The following RASGEF1C variants were observed in gnomAD, a reference collection of about 807,000 sequenced individuals.
The protein encoded by RASGEF1C is RasGEF domain family member 1C, also known as ras-GEF domain-containing family member 1C.
In RASGEF1C, 27 loss-of-function variants were observed where a neutral mutation model predicts 58.1. The observed-to-expected ratio is 0.46, with a 90% CI of 0.34 to 0.64. RASGEF1C has a LOEUF of 0.64. Ranked by LOEUF, RASGEF1C falls within the 30% of genes least tolerant of loss-of-function variation. The probability of loss-of-function intolerance (pLI) is 0.01; values close to 1 mark genes in which losing one functional copy is unlikely to be tolerated. For missense variants in RASGEF1C, 502 were observed against 605.1 expected (o/e 0.83, Z 1.79); for synonymous variants, 243 against 246.3 (o/e 0.99, Z 0.13).
Position 180,197,658 on chromosome 5 carries a change from T to C in RASGEF1C, c.-7+11370A>G, listed in dbSNP as rs1286480848. Among the ~76,000 whole-genome samples the C allele has an allele frequency of 1.3e-5, 2 of 152,142 alleles. No homozygotes were observed. The highest frequency in any genetic ancestry group is 2.1e-4 in the South Asian group (1 of 4,824). The stretch of plus-strand genomic sequence containing the variant: ...GTGTCCCTGAGCCTCAGTTTCCCCA[T>C]CTGTAAATTGATGGCAGCTGCTGTG... On this transcript the variant is annotated intron_variant, in intron 1 of 13. Coordinates refer to ENST00000361132, the MANE Select transcript of RASGEF1C (RefSeq NM_175062.4). The surrounding 1 kb of genome is among the most constrained non-coding windows in gnomAD (Gnocchi z 4.7).
intron 4 of RASGEF1C, among the ~76,000 whole-genome samples, chr5:180,135,513 G>T (rs1295546269): frequency 6.6e-6 from 1 of 152,176 alleles, no homozygotes; most frequent in Non-Finnish European, 1.5e-5. Flanking sequence ...CTACACCAGT[G>T]CTGCCCACAG....
intron 1 of RASGEF1C, among the ~76,000 whole-genome samples, chr5:180,157,557 G>A (rs1766871362): frequency 1.3e-5 from 2 of 151,668 alleles, no homozygotes; most frequent in Admixed American, 6.6e-5. Flanking sequence ...AACCCAGGAG[G>A]CGGAGGTTGC....
rs768278930 is a variant in RASGEF1C at position 180,209,110 on chromosome 5, CCCGCCGCCGCCGCCGCCGCCGCCG to C, written c.-113_-90del. ...CTCGGCGCCGCGGACCGGGGCGCCG[CCCGCCGCCGCCGCCGCCGCCGCCG>C]CCGCCGCCGCCGCCGCCCGACCGCC... On this transcript the variant is annotated 5_prime_UTR_variant, in exon 1 of 14. Transcript: ENST00000361132. 11,606 of 144,656 alleles carry C rather than the reference CCCGCCGCCGCCGCCGCCGCCGCCG, an allele frequency of 0.08. 1,273 individuals are homozygous for C. The highest frequency in any genetic ancestry group is 0.24 in the African/African-American group (9,601 of 40,146). The allele number at this position is 144,656 out of a possible 1,614,324, so 9.0% of individuals were successfully genotyped here.
chr5:180,162,748 A>G (rs1232751320), intron 1 of RASGEF1C, among the ~76,000 whole-genome samples: 1 of 152,186 alleles, frequency 6.6e-6, no homozygotes, highest in Non-Finnish European at 1.5e-5. Flanking sequence ...TACTTTATAT[A>G]TTTCCACAAA....
At position 180,137,030 on chromosome 5, in the gene RASGEF1C, G is replaced by A. The variant is rs1016618576; in HGVS notation, c.301-515C>T. On this transcript the variant is annotated intron_variant, in intron 3 of 13. Transcript: ENST00000361132. The surrounding 1 kb of genome is among the most constrained non-coding windows in gnomAD (Gnocchi z 4.1). ...GGCCAAGCGCCACACCAGCCAGCCC[G>A]AGGGAGGCCAGCCCCGGGAAGCGGC... Among the ~76,000 whole-genome samples the A allele has an allele frequency of 6.6e-6, 1 of 152,164 alleles. No homozygotes were observed. The highest frequency in any genetic ancestry group is 1.5e-5 in the Non-Finnish European group (1 of 68,024).
intron 1 of RASGEF1C, among the ~76,000 whole-genome samples, chr5:180,205,336 G>A (rs891101388): frequency 5.3e-5 from 8 of 152,176 alleles, no homozygotes; most frequent in African/African-American, 1.7e-4. Context: ...ACCATTTATA[G>A]TAGCAACACA....
rs956275615 is a variant in RASGEF1C at position 180,148,446 on chromosome 5, CT to C, written c.-6-10389del. Among the ~76,000 whole-genome samples the C allele has an allele frequency of 8.6e-5, 13 of 150,826 alleles. No homozygotes were observed. The East Asian group carries it at 1.9e-3, about 23-fold the overall frequency. On this transcript the variant is annotated intron_variant, in intron 1 of 13. Transcript: ENST00000361132. ...TCCTTATTTCCTGCAGTACTGTGTT[CT>C]TTTTTTGTGGTGAAACATTAATTCC...
chr5:180,161,481 G>T lies in RASGEF1C; in HGVS notation c.-6-23423C>A, dbSNP rs1766943438. On this transcript the variant is annotated intron_variant, in intron 1 of 13. Transcript: ENST00000361132. ...ACTGCCCAGAATGTGGCTCACCTGT[G>T]TGGACCTGATGGGGCCGGGGCCATC... is the stretch of plus-strand genomic sequence containing the variant. Among the ~76,000 whole-genome samples the T allele has an allele frequency of 2.6e-5, 4 of 152,262 alleles. 1 individual carries two copies.
At chr5:180,101,584 C>T in intron 13 of RASGEF1C, 59 bp from the exon 14 acceptor site, 2 of 1,596,144 alleles carry the variant, frequency 1.3e-6, no homozygotes, top group Non-Finnish European at 8.5e-7. Context: ...CCCAGTTAGA[C>T]TGCTCTCCAG....
intron 1 of RASGEF1C, among the ~76,000 whole-genome samples, chr5:180,181,351 C>A (rs148103341): frequency 2.0e-5 from 3 of 152,330 alleles, no homozygotes; most frequent in African/African-American, 2.4e-5. Context: ...GCATTGTCGT[C>A]GGTTGGACTG....
chr5:180,102,187 T>C (rs757920357), intron 12 of RASGEF1C, 44 bp from the exon 13 acceptor site: 1 of 1,168,790 alleles, frequency 8.6e-7, no homozygotes, highest in South Asian at 1.2e-5. Flanking sequence ...TGGTTGATGA[T>C]AATAACCTGT....
chr5:180,208,730 G>A (rs1043991972), intron 1 of RASGEF1C, among the ~76,000 whole-genome samples: 1 of 152,116 alleles, frequency 6.6e-6, no homozygotes, highest in African/African-American at 2.4e-5. Flanking sequence ...TGCCACTCTA[G>A]CGGCTGAAAG....
intron 6 of RASGEF1C, among the ~76,000 whole-genome samples, chr5:180,123,367 T>C (rs4398604): frequency 0.93 from 141,290 of 152,174 alleles, 66,582 homozygotes; most frequent in South Asian, 1. Flanking sequence ...AGGATGAATA[T>C]GAATCTCAGC....
At chr5:180,151,666 T>A (rs1766747091) in intron 1 of RASGEF1C, among the ~76,000 whole-genome samples, 1 of 151,922 alleles carries the variant, frequency 6.6e-6, no homozygotes, top group African/African-American at 2.4e-5. Context: ...AGGCAAGGAC[T>A]TCATGTCTAA....
chr5:180,179,843 T>C (rs1002013003), intron 1 of RASGEF1C, among the ~76,000 whole-genome samples: 5 of 152,238 alleles, frequency 3.3e-5, no homozygotes, highest in Non-Finnish European at 7.3e-5. Flanking sequence ...CATTAAATGA[T>C]AGCAGACTCA....
At chr5:180,202,669 G>A (rs969173080) in intron 1 of RASGEF1C, among the ~76,000 whole-genome samples, 2 of 151,384 alleles carry the variant, frequency 1.3e-5, no homozygotes, top group Non-Finnish European at 2.9e-5. Context: ...AGTATAGAAA[G>A]CAAGCAAGCA....
intron 1 of RASGEF1C, 57 bp from the exon 2 acceptor site, chr5:180,138,115 CCTGAGTGGGAGCTG>C: frequency 9.0e-7 from 1 of 1,110,154 alleles, no homozygotes; most frequent in Middle Eastern, 2.3e-4. Flanking sequence ...GTTGGGTGCA[CCTGAGTGGGAGCTG>C]CTGGTCCCGG....
intron 4 of RASGEF1C, among the ~76,000 whole-genome samples, chr5:180,134,683 C>T (rs1380143838): frequency 2.0e-5 from 3 of 150,818 alleles, no homozygotes; most frequent in South Asian, 2.1e-4. Flanking sequence ...CACTTGCCTA[C>T]CCATCGGTCC....
At chr5:180,121,021 G>A (rs1766159982) in intron 7 of RASGEF1C, 39 bp downstream of exon 7, 12 of 1,490,900 alleles carry the variant, frequency 8.0e-6, no homozygotes, top group Non-Finnish European at 1.1e-5. Context: ...GGCCGCCTGG[G>A]GCTATGCCAG....
Sources: allele counts gnomAD v4.1 joint callset (sites outside exome capture counted in the v4.1 genomes callset), GRCh38; gene constraint gnomAD v4.1.1; non-coding constraint Gnocchi (gnomAD v3.1); transcripts MANE v1.5; gene names NCBI Gene and HGNC (gene_info 2026-07-23, HGNC 2026-07-21).